The following SKI variants were observed in gnomAD, a reference collection of about 807,000 sequenced individuals.
The protein encoded by SKI is ski oncogene.
Under a neutral mutation model 59.3 loss-of-function variants are expected in SKI, and 23 were observed. The observed-to-expected ratio is 0.39, with a 90% CI of 0.28 to 0.55. The LOEUF is 0.55. Among genes scored for constraint, SKI ranks in the 20% least tolerant of loss-of-function variants. The pLI is 0.67. For synonymous variants in SKI, 673 were observed against 488.6 expected (o/e 1.38, Z -4.98); for missense variants, 1,017 against 1,038.9 (o/e 0.98, Z 0.29).
intron 1 of SKI, among the ~76,000 whole-genome samples, chr1:2,288,449 C>T (rs1267406447): frequency 2.0e-5 from 3 of 152,202 alleles, no homozygotes; most frequent in Admixed American, 6.5e-5. Context: ...GTACATGTTC[C>T]GATCCCTGAA....
At chr1:2,295,702 C>G (rs994659570) in intron 1 of SKI, among the ~76,000 whole-genome samples, 17 of 151,790 alleles carry the variant, frequency 1.1e-4, no homozygotes, top group African/African-American at 3.4e-4. Context: ...GACTGTGTGT[C>G]CGGGCCACGT....
At chr1:2,288,226 A>G (rs911382636) in intron 1 of SKI, among the ~76,000 whole-genome samples, 1 of 151,986 alleles carries the variant, frequency 6.6e-6, no homozygotes, top group Non-Finnish European at 1.5e-5. Context: ...ACCTCAGGTG[A>G]TCCACCCGCC....
intron 5 of SKI, among the ~76,000 whole-genome samples, chr1:2,305,511 C>T (rs752469862): frequency 1.3e-5 from 2 of 152,228 alleles, no homozygotes; most frequent in African/African-American, 4.8e-5. Context: ...GTGTGATTTC[C>T]CACATACATA....
In SKI at chr1:2,240,565, G is replaced by A. The variant is rs1182459920; in HGVS notation, c.969+10830G>A. On this transcript the variant is annotated intron_variant, in intron 1 of 6. Transcript: ENST00000378536. ...GGACCGCTGGCTTCCTGGGGCCATC[G>A]AGGCTCCCAGAAGAAGAAATCAAGA... 3.2e-5 allele frequency: 32 copies of A among 985,324 alleles called. No individual in the cohort carries two copies. In the East Asian group the frequency reaches 1.9e-3, roughly 59 times the overall value. 61.0% of individuals were successfully genotyped at this position (985,324 alleles called of 1,614,324 possible).
chr1:2,306,111 G>C lies in SKI; in HGVS notation c.1859G>C (p.Arg620Pro). 1 of 1,599,488 alleles carries C rather than the reference G, an allele frequency of 6.3e-7. No homozygotes were observed. The highest frequency in any genetic ancestry group is 2.3e-5 in the East Asian group (1 of 44,300). The change falls in exon 6 of 7, where the codon CGC becomes CCC. Residue 620 changes from arginine (R) to proline (P), a missense_variant. Coordinates refer to ENST00000378536, the MANE Select transcript of SKI (RefSeq NM_003036.4). Reference protein sequence around the residue: ...RNLRKEIERLRAENEKKMKEA... With the variant: ...RNLRKEIERLPAENEKKMKEA... Reference sequence around the variant, plus strand: ...CTGCGGAAGGAGATCGAGCGTCTCCGCGCCGAGAACGAGAAGAAGATGAAA... The same window carrying C: ...CTGCGGAAGGAGATCGAGCGTCTCCCCGCCGAGAACGAGAAGAAGATGAAA...
Position 2,304,602 on chromosome 1 carries a change from G to T in SKI, c.1767+17G>T. On this transcript the variant is annotated intron_variant, in intron 5 of 6. Coordinates refer to ENST00000378536, the MANE Select transcript of SKI (RefSeq NM_003036.4). ...CTCCACCAGGTGAGCGGGGCGAGTG[G>T]TGCTGGGAGGTCCAGGGCACGGGCA... 1 of 1,537,322 alleles carries T rather than the reference G, an allele frequency of 6.5e-7. No homozygotes were observed. The highest frequency in any genetic ancestry group is 8.8e-7 in the Non-Finnish European group (1 of 1,139,108).
rs1192890718 is a variant in SKI, at chr1:2,268,926, C to T, written c.970-34052C>T. ...TGTCCATTTCCCTTTTCCCTCCCTC[C>T]CTCTCTTTCCTTCTCTCCTTCTCTC... On this transcript the variant is annotated intron_variant, in intron 1 of 6. Coordinates refer to ENST00000378536, the MANE Select transcript of SKI (RefSeq NM_003036.4). The surrounding 1 kb of genome is among the most constrained non-coding windows in gnomAD (Gnocchi z 5.0). Among the ~76,000 whole-genome samples, 2 of 151,754 alleles carry T rather than the reference C, an allele frequency of 1.3e-5. No individual in the cohort carries two copies. Among genetic ancestry groups the T allele is most frequent in the Non-Finnish European group, 2.9e-5 (2 of 67,942 alleles).
At chr1:2,245,788 CTTTTTTTTT>C (rs766445644) in intron 1 of SKI, among the ~76,000 whole-genome samples, 32 of 70,380 alleles carry the variant, frequency 4.5e-4, no homozygotes, top group Middle Eastern at 0.03. Flanking sequence ...ATTTTTCCTT[CTTTTTTTTT>C]TTTTTTTTTT....
rs1390828046 is a variant in SKI, at chr1:2,308,614, TCA to T, written c.*1850_*1851del. ...TGTTTTACCAGAGTTGTTTTTTTTT[TCA>T]GTTATTTCTTCAAGGGAAACTAAAT... On this transcript the variant is annotated 3_prime_UTR_variant, in exon 7 of 7. Coordinates refer to ENST00000378536, the MANE Select transcript of SKI (RefSeq NM_003036.4). 2.0e-5 allele frequency: 3 copies of T among 152,090 alleles called. No individual in the cohort carries two copies. The highest frequency in any genetic ancestry group is 4.8e-5 in the African/African-American group (2 of 41,412). 9.4% of individuals were successfully genotyped at this position (152,090 alleles called of 1,614,324 possible).
intron 1 of SKI, among the ~76,000 whole-genome samples, chr1:2,299,600 G>A (rs1285998552): frequency 6.6e-6 from 1 of 152,168 alleles, no homozygotes; most frequent in East Asian, 1.9e-4. Flanking sequence ...GGGGGGTTGA[G>A]GTCTTCTGTG....
Position 2,308,058 on chromosome 1 carries a change from TTATGCAAA to T in SKI, c.*1295_*1302del, listed in dbSNP as rs1640643923. 1 of 152,418 alleles carries T rather than the reference TTATGCAAA, an allele frequency of 6.6e-6. No individual in the cohort carries two copies. The highest frequency in any genetic ancestry group is 1.5e-5 in the Non-Finnish European group (1 of 68,040). 9.4% of individuals were successfully genotyped at this position (152,418 alleles called of 1,614,324 possible). On this transcript the variant is annotated 3_prime_UTR_variant, in exon 7 of 7. Coordinates refer to ENST00000378536, the MANE Select transcript of SKI (RefSeq NM_003036.4). Reference sequence around the variant, plus strand: ...AATAATCTCGTTTACTCTCACCTGTTTATGCAAATTGTATAAGGTTTCTTATGCCCAAG... The same window carrying T: ...AATAATCTCGTTTACTCTCACCTGTTTTGTATAAGGTTTCTTATGCCCAAG...
intron 1 of SKI, among the ~76,000 whole-genome samples, chr1:2,242,644 T>C (rs1239568713): frequency 1.3e-5 from 2 of 152,160 alleles, no homozygotes. Context: ...CTCAGCTTCC[T>C]GAGTAGCCGG....
In SKI at chr1:2,243,380, G is replaced by A. The variant is rs1265221594; in HGVS notation, c.969+13645G>A. ...GGGCCGCCATCCTTATGCCCCGCCT[G>A]CCCTTTCTGCAGCTGTGGGTGCAGG... On this transcript the variant is annotated intron_variant, in intron 1 of 6. Transcript: ENST00000378536. Among the ~76,000 whole-genome samples the A allele has an allele frequency of 7.9e-5, 12 of 152,360 alleles. No homozygotes were observed. In the East Asian group the frequency reaches 2.3e-3, roughly 29 times the overall value.
chr1:2,266,380 C>T (rs569398818), intron 1 of SKI, among the ~76,000 whole-genome samples: 35 of 152,280 alleles, frequency 2.3e-4, no homozygotes, highest in Non-Finnish European at 3.7e-4. Context: ...TCTGCTGCTC[C>T]GTCCTGTGAA....
At chr1:2,297,697 T>C (rs1025931944) in intron 1 of SKI, among the ~76,000 whole-genome samples, 18 of 152,386 alleles carry the variant, frequency 1.2e-4, no homozygotes, top group African/African-American at 3.8e-4. Flanking sequence ...CGAGGCAGCA[T>C]CTGCGTCTGC....
At chr1:2,284,002 A>T (rs954764468) in intron 1 of SKI, among the ~76,000 whole-genome samples, 2 of 152,088 alleles carry the variant, frequency 1.3e-5, no homozygotes, top group Non-Finnish European at 2.9e-5. Context: ...CCCTGTTAGC[A>T]GGTGCAGTGC....
intron 1 of SKI, among the ~76,000 whole-genome samples, chr1:2,271,397 G>A (rs1639616028): frequency 6.6e-6 from 1 of 152,010 alleles, no homozygotes; most frequent in Admixed American, 6.5e-5. Context: ...AGCCTGTTAT[G>A]GAGCCGCGTG....
chr1:2,258,356 CT>C (rs1210254268), intron 1 of SKI, among the ~76,000 whole-genome samples: 1 of 152,038 alleles, frequency 6.6e-6, no homozygotes, highest in African/African-American at 2.4e-5. Flanking sequence ...GAATCGCCCC[CT>C]AGGGAGGATG....
Position 2,229,127 on chromosome 1 carries a change from C to G in SKI, c.361C>G (p.Leu121Val). The G allele has an allele frequency of 1.2e-6, 2 of 1,611,262 alleles. No homozygotes were observed. Among genetic ancestry groups the G allele is most frequent in the Non-Finnish European group, 1.7e-6 (2 of 1,179,896 alleles). Residue 121 changes from leucine to valine, a missense_variant, in exon 1 of 7, where the codon CTG (leucine) becomes GTG (valine). Transcript: ENST00000378536. The surrounding 1 kb of genome is among the most constrained non-coding windows in gnomAD (Gnocchi z 6.3). Reference sequence around the variant, plus strand: ...CTTCGTGGTGGGAGGCGAGAAGCGCCTGTGTCTGCCGCAGATTCTCAACTC... The same window carrying G: ...CTTCGTGGTGGGAGGCGAGAAGCGCGTGTGTCTGCCGCAGATTCTCAACTC... The part of the protein sequence containing the change: ...SCFVVGGEKR[L>V]CLPQILNSVL...
Sources: gnomAD v4.1 joint callset for allele counts (sites outside exome capture counted in the v4.1 genomes callset) on GRCh38, gnomAD v4.1.1 for gene constraint, Gnocchi (gnomAD v3.1) non-coding constraint, MANE v1.5 for transcripts, NCBI Gene and HGNC (gene_info 2026-07-23, HGNC 2026-07-21) for gene names.